ROBO2: variants seen among roughly 807,000 people sequenced by gnomAD.
ROBO2 encodes roundabout homolog 2.
A neutral mutation model predicts 160.8 loss-of-function variants in ROBO2; 53 were observed. The ratio of observed to expected loss-of-function variants is 0.33; its 90% CI spans 0.26 to 0.41. The LOEUF is 0.41. Among genes scored for constraint, ROBO2 ranks in the 10% least tolerant of loss-of-function variants. ROBO2 has a pLI of 1.00. For synonymous variants in ROBO2, 664 were observed against 611.7 expected, an observed-to-expected ratio of 1.09 and a Z score of -1.26; for missense variants, 1,577 against 1,722.4, an observed-to-expected ratio of 0.92 and a Z score of 1.49.
intron 2 of ROBO2, among the ~76,000 whole-genome samples, chr3:76,595,895 C>T (rs1216744190): frequency 6.6e-6 from 1 of 151,354 alleles, no homozygotes; most frequent in East Asian, 1.9e-4. Context: ...TCTTCAAACA[C>T]CCGTGAGCCA....
chr3:76,011,724 G>A (rs944298449), intron 2 of ROBO2, among the ~76,000 whole-genome samples: 2 of 152,130 alleles, frequency 1.3e-5, no homozygotes, highest in Non-Finnish European at 2.9e-5. Flanking sequence ...AATTCTGAAG[G>A]GAAACTGATA....
chr3:76,242,553 C>T (rs1233739301), intron 2 of ROBO2, among the ~76,000 whole-genome samples: 1 of 152,106 alleles, frequency 6.6e-6, no homozygotes, highest in Non-Finnish European at 1.5e-5. Context: ...TGTCCCTTCT[C>T]CTGAAAGCAT....
At chr3:77,284,021 A>G (rs1208731547) in intron 2 of ROBO2, among the ~76,000 whole-genome samples, 2 of 152,146 alleles carry the variant, frequency 1.3e-5, no homozygotes, top group Non-Finnish European at 2.9e-5. Context: ...TTGCATCACA[A>G]TATTTTCATT....
At chr3:76,222,565 T>G (rs1575964751) in intron 2 of ROBO2, among the ~76,000 whole-genome samples, 1 of 148,674 alleles carries the variant, frequency 6.7e-6, no homozygotes, top group Admixed American at 6.7e-5. Context: ...TCCCTGGCAC[T>G]GTCTGTGACC....
intron 2 of ROBO2, among the ~76,000 whole-genome samples, chr3:77,327,980 G>A (rs557652261): frequency 1.3e-5 from 2 of 149,264 alleles, no homozygotes; most frequent in South Asian, 4.2e-4. Flanking sequence ...GAACCTGGGA[G>A]ACGGAGACAG....
intron 2 of ROBO2, among the ~76,000 whole-genome samples, chr3:77,103,877 G>A (rs981223307): frequency 1.3e-5 from 2 of 152,034 alleles, no homozygotes; most frequent in Non-Finnish European, 2.9e-5. Context: ...ATGAAGACAA[G>A]GTAAAGAGCT....
intron 2 of ROBO2, among the ~76,000 whole-genome samples, chr3:76,407,241 A>G (rs1379920067): frequency 6.6e-6 from 1 of 151,880 alleles, no homozygotes; most frequent in African/African-American, 2.4e-5. Flanking sequence ...CACCTGATCT[A>G]AAGTAGTCTT....
At chr3:76,200,087 A>C (rs1207917194) in intron 2 of ROBO2, among the ~76,000 whole-genome samples, 1 of 152,182 alleles carries the variant, frequency 6.6e-6, no homozygotes, top group Non-Finnish European at 1.5e-5. Flanking sequence ...GACTAGCAAA[A>C]GACAGATTAA....
intron 9 of ROBO2, among the ~76,000 whole-genome samples, chr3:77,562,145 T>C (rs1190283354): frequency 2.6e-5 from 4 of 152,178 alleles, no homozygotes; most frequent in South Asian, 4.1e-4. Context: ...CTTTTTTCCA[T>C]GTCTTTCAAA....
At chr3:76,103,119 G>A (rs963309969) in intron 2 of ROBO2, among the ~76,000 whole-genome samples, 4 of 152,108 alleles carry the variant, frequency 2.6e-5, no homozygotes, top group Non-Finnish European at 5.9e-5. Context: ...CACCACGCCC[G>A]GCCAGACCTG....
chr3:76,885,106 G>A (rs1297645869), intron 2 of ROBO2, among the ~76,000 whole-genome samples: 2 of 152,046 alleles, frequency 1.3e-5, no homozygotes, highest in African/African-American at 2.4e-5. Context: ...CTTGAGCCAG[G>A]AGAAAAAAAC....
At chr3:77,331,649 G>T (rs754582999) in intron 2 of ROBO2, among the ~76,000 whole-genome samples, 1 of 151,922 alleles carries the variant, frequency 6.6e-6, no homozygotes, top group East Asian at 1.9e-4. Flanking sequence ...TTGAATTAAA[G>T]GTTACTACCA....
intron 2 of ROBO2, among the ~76,000 whole-genome samples, chr3:76,079,686 G>C (rs9851838): frequency 6.6e-6 from 1 of 151,526 alleles, no homozygotes; most frequent in Non-Finnish European, 1.5e-5. Context: ...GGGTTTCACC[G>C]TGTTGCCCAG....
At chr3:76,560,890 C>G (rs1348799023) in intron 2 of ROBO2, among the ~76,000 whole-genome samples, 2 of 145,438 alleles carry the variant, frequency 1.4e-5, no homozygotes, top group Non-Finnish European at 3.0e-5. Flanking sequence ...GTATCATGAG[C>G]TTGACTATCT....
chr3:76,121,542 A>C (rs937721396), intron 2 of ROBO2, among the ~76,000 whole-genome samples: 1 of 152,154 alleles, frequency 6.6e-6, no homozygotes, highest in Non-Finnish European at 1.5e-5. Flanking sequence ...GTTCTGGATC[A>C]AACCTACACC....
At chr3:77,219,797 A>T (rs1237552494) in intron 2 of ROBO2, among the ~76,000 whole-genome samples, 1 of 151,670 alleles carries the variant, frequency 6.6e-6, no homozygotes, top group Non-Finnish European at 1.5e-5. Context: ...TTCAGTCCAT[A>T]TCAAAAATCC....
intron 2 of ROBO2, among the ~76,000 whole-genome samples, chr3:76,190,969 T>C (rs939382744): frequency 6.6e-6 from 1 of 152,140 alleles, no homozygotes; most frequent in African/African-American, 2.4e-5. Context: ...GCATGCTTAA[T>C]TTAAAACATT....
chr3:76,585,856 T>C (rs1290146466), intron 2 of ROBO2, among the ~76,000 whole-genome samples: 1 of 152,184 alleles, frequency 6.6e-6, no homozygotes, highest in Non-Finnish European at 1.5e-5. Flanking sequence ...GCGTATACAG[T>C]ATGTTATATA....
intron 2 of ROBO2, among the ~76,000 whole-genome samples, chr3:76,049,324 C>T (rs1242016293): frequency 6.7e-6 from 1 of 149,090 alleles, no homozygotes; most frequent in East Asian, 2.0e-4. Context: ...AATCCTCTCA[C>T]CTCAGCCTCT....
Sources: gnomAD v4.1 joint callset for allele counts (sites outside exome capture counted in the v4.1 genomes callset) on GRCh38, gnomAD v4.1.1 for gene constraint, MANE v1.5 for transcripts, NCBI Gene and HGNC (gene_info 2026-07-23, HGNC 2026-07-21) for gene names.